MCCC1: variants seen among roughly 807,000 people sequenced by gnomAD.
MCCC1 encodes the protein methylcrotonoyl-CoA carboxylase subunit alpha, mitochondrial.
In MCCC1, 64 loss-of-function variants were observed where a neutral mutation model predicts 83.8. The ratio of observed to expected loss-of-function variants is 0.76; its 90% CI spans 0.62 to 0.94. The LOEUF is 0.94. Among genes scored for constraint, MCCC1 ranks in the 40% least tolerant of loss-of-function variants. The pLI is 0.00. For missense variants in MCCC1, 807 were observed against 904.7 expected (o/e 0.89, Z 1.39); for synonymous variants, 322 against 315.4 (o/e 1.02, Z -0.22).
chr3:183,079,589 T>A lies in MCCC1; in HGVS notation c.370-7102A>T, dbSNP rs147912998. 4.2e-3 allele frequency among the ~76,000 whole-genome samples: 635 copies of A among 152,322 alleles called. 3 individuals are homozygous for A. The highest frequency in any genetic ancestry group is 0.015 in the African/African-American group (614 of 41,576). ...CTTTCACAGGCTGGTGTTGAGTGTC[T>A]GTGGCTTTTCCAGGTACATGGTGCA... On this transcript the variant is annotated intron_variant, in intron 4 of 18. Coordinates refer to ENST00000265594, the MANE Select transcript of MCCC1 (RefSeq NM_020166.5).
chr3:183,101,444 C>G (rs1439492952), upstream of MCCC1, among the ~76,000 whole-genome samples: 3 of 152,200 alleles, frequency 2.0e-5, no homozygotes, highest in Non-Finnish European at 4.4e-5. Context: ...GTGTTTAGCT[C>G]AAGGTTTGTG....
chr3:183,106,698 T>C (rs962558403), intron 1 of MCCC1, among the ~76,000 whole-genome samples: 2 of 152,094 alleles, frequency 1.3e-5, no homozygotes, highest in Admixed American at 1.3e-4. Flanking sequence ...AGTTTCACCG[T>C]GTCGGCCAGG....
intron 4 of MCCC1, among the ~76,000 whole-genome samples, chr3:183,078,176 T>A (rs1469348421): frequency 1.3e-5 from 2 of 152,092 alleles, no homozygotes; most frequent in Non-Finnish European, 2.9e-5. Flanking sequence ...CCTGTCACCA[T>A]GCCTGGCTAA....
upstream of MCCC1, among the ~76,000 whole-genome samples, chr3:183,100,608 G>A (rs75158856): frequency 4.3e-4 from 66 of 152,242 alleles, no homozygotes; most frequent in African/African-American, 1.3e-3. Context: ...AAGATATCAC[G>A]CACACACACA....
In MCCC1 at chr3:183,045,410, C is replaced by T; in HGVS notation, c.1083+3G>A. ...TGATTTTTAATAGAAAAAATATTCTCACTCTAAGCTGCCACTCCACCAAGT... is the reference window on the plus strand; with the variant it reads ...TGATTTTTAATAGAAAAAATATTCTTACTCTAAGCTGCCACTCCACCAAGT... On this transcript the variant is annotated splice_donor_region_variant and intron_variant, in intron 10 of 18. Transcript: ENST00000265594. The T allele has an allele frequency of 6.2e-7, 1 of 1,613,964 alleles. No homozygotes were observed. Among genetic ancestry groups the T allele is most frequent in the Non-Finnish European group, 8.5e-7 (1 of 1,179,908 alleles).
At chr3:183,071,148 CAACATAAATAA>C (rs1716646683) in intron 6 of MCCC1, 28 bp from the exon 7 acceptor site, 1 of 1,614,052 alleles carries the variant, frequency 6.2e-7, no homozygotes, top group Admixed American at 1.7e-5. Flanking sequence ...ATTATGACTA[CAACATAAATAA>C]AACAAAGAAG....
In MCCC1 at chr3:183,092,495, T is replaced by C; in HGVS notation, c.187A>G (p.Arg63Gly). The stretch of plus-strand genomic sequence containing the variant: ...AGTTTTTTGGCTGTGCGCATCACCC[T>C]GCAGGCAATTTCTCCTCTGTTTGCA... Reference protein sequence around the residue: ...LIANRGEIACRVMRTAKKLGV... With the variant: ...LIANRGEIACGVMRTAKKLGV... Residue 63 changes from arginine (R) to glycine (G), a missense_variant, in exon 3 of 19, where the codon AGG becomes GGG. Coordinates refer to ENST00000265594, the MANE Select transcript of MCCC1 (RefSeq NM_020166.5). 1 of 1,614,226 alleles carries C rather than the reference T, an allele frequency of 6.2e-7. No individual in the cohort carries two copies. The highest frequency in any genetic ancestry group is 8.5e-7 in the Non-Finnish European group (1 of 1,180,038).
intron 7 of MCCC1, among the ~76,000 whole-genome samples, chr3:183,069,455 C>G (rs1181580188): frequency 1.3e-5 from 2 of 152,104 alleles, no homozygotes; most frequent in African/African-American, 2.4e-5. Flanking sequence ...TGAAAGGAAG[C>G]CTTCAATGTA....
At chr3:183,054,896 A>G (rs1262968890) in intron 8 of MCCC1, among the ~76,000 whole-genome samples, 2 of 152,222 alleles carry the variant, frequency 1.3e-5, no homozygotes, top group African/African-American at 4.8e-5. Flanking sequence ...TATTGAGTAC[A>G]GTAACATGCT....
chr3:183,032,892 AT>A (rs1464208857), intron 14 of MCCC1, among the ~76,000 whole-genome samples: 6 of 146,772 alleles, frequency 4.1e-5, no homozygotes, highest in Non-Finnish European at 6.0e-5. Context: ...AAAAAAAAAA[AT>A]TTGTTACTGG....
intron 4 of MCCC1, among the ~76,000 whole-genome samples, chr3:183,075,864 G>T (rs759697419): frequency 1.3e-4 from 20 of 152,066 alleles, no homozygotes; most frequent in Non-Finnish European, 2.4e-4. Flanking sequence ...TTTTAATGGG[G>T]TTGTTTTTCT....
At chr3:183,086,636 G>A in intron 4 of MCCC1, 57 bp downstream of exon 4, 1 of 1,469,920 alleles carries the variant, frequency 6.8e-7, no homozygotes, top group Non-Finnish European at 9.5e-7. Flanking sequence ...AAGTAACTTT[G>A]CATCAGTTGC....
chr3:183,063,730 C>G (rs893968048), intron 7 of MCCC1, among the ~76,000 whole-genome samples: 1 of 152,132 alleles, frequency 6.6e-6, no homozygotes. Context: ...CTGGTAACAT[C>G]TTTCTGGTGA....
chr3:183,097,410 GTTTTA>G (rs1267646349), intron 1 of MCCC1, among the ~76,000 whole-genome samples: 1 of 152,002 alleles, frequency 6.6e-6, no homozygotes, highest in Non-Finnish European at 1.5e-5. Flanking sequence ...TTTTGTTTTT[GTTTTA>G]TTTGAGATGG....
intron 7 of MCCC1, among the ~76,000 whole-genome samples, chr3:183,070,564 C>G (rs1265890829): frequency 2.6e-5 from 4 of 152,096 alleles, no homozygotes; most frequent in African/African-American, 9.7e-5. Flanking sequence ...AAAACCCCAT[C>G]TCTACTAAAA....
At chr3:183,083,084 T>C (rs1577346954) in intron 4 of MCCC1, among the ~76,000 whole-genome samples, 1 of 152,352 alleles carries the variant, frequency 6.6e-6, no homozygotes, top group South Asian at 2.1e-4. Context: ...AGCTCACTTG[T>C]AAATTTTACT....
chr3:183,022,503 A>T lies in MCCC1; in HGVS notation c.1783T>A (p.Cys595Ser). 6.2e-7 allele frequency: 1 copy of T among 1,613,998 alleles called. No individual in the cohort carries two copies. Among genetic ancestry groups the T allele is most frequent in the Non-Finnish European group, 8.5e-7 (1 of 1,179,858 alleles). The change falls in exon 16 of 19, where the codon TGC (cysteine) becomes AGC (serine). Residue 595 changes from cysteine to serine, a missense_variant. Physicochemically the swap from Cys to Ser is moderately radical, Grantham distance 112. Transcript: ENST00000265594. ...TTAACAGAACATTTCAGGTAAGTGCAGTCTCCCTCGCTGTAAAGATTACCA... is the reference window on the plus strand; with the variant it reads ...TTAACAGAACATTTCAGGTAAGTGCTGTCTCCCTCGCTGTAAAGATTACCA... ...VLGNLYSEGD[C>S]TYLKCSVNGV...
chr3:183,055,932 G>A (rs1282019991), intron 8 of MCCC1, among the ~76,000 whole-genome samples: 4 of 152,058 alleles, frequency 2.6e-5, no homozygotes, highest in African/African-American at 7.2e-5. Context: ...TATCAATATG[G>A]TAACTTTCAA....
intron 14 of MCCC1, among the ~76,000 whole-genome samples, chr3:183,031,364 G>C (rs541200423): frequency 6.6e-6 from 1 of 152,230 alleles, no homozygotes; most frequent in East Asian, 1.9e-4. Flanking sequence ...GCAGGGTTCT[G>C]TGAAACGTGG....
Sources: gnomAD v4.1 joint callset for allele counts (sites outside exome capture counted in the v4.1 genomes callset) on GRCh38, gnomAD v4.1.1 for gene constraint, MANE v1.5 for transcripts, NCBI Gene and HGNC (gene_info 2026-07-23, HGNC 2026-07-21) for gene names.